The following CNTRL variants were observed in gnomAD, a reference collection of about 807,000 sequenced individuals.
CNTRL encodes centriolin.
In CNTRL, 233 loss-of-function variants were observed where a neutral mutation model predicts 303.7. The observed-to-expected ratio is 0.77, with a 90% CI of 0.69 to 0.86. The LOEUF (loss-of-function observed/expected upper bound fraction) is 0.86. Among genes scored for constraint, CNTRL ranks in the 40% least tolerant of loss-of-function variants. The pLI, the probability that CNTRL is intolerant of heterozygous loss-of-function variation, is 0.00. For missense variants in CNTRL, 2,524 were observed against 2,650.6 expected, an observed-to-expected ratio of 0.95 and a Z score of 1.05; for synonymous variants, 900 against 922.2, an observed-to-expected ratio of 0.98 and a Z score of 0.44.
intron 32 of CNTRL, 105 bp from the exon 33 acceptor site, chr9:121,161,751 T>A: frequency 2.6e-6 from 2 of 775,748 alleles, no homozygotes; most frequent in Non-Finnish European, 4.1e-6. Flanking sequence ...ACAAAATTTT[T>A]AAAATTGTCT....
rs377568552 is a variant in CNTRL at position 121,154,887 on chromosome 9, A to T, written c.4339A>T (p.Ser1447Cys). Residue 1447 changes from serine (S) to cysteine (C), a missense_variant, in exon 27 of 44, where the codon AGT becomes TGT. Ser to Cys is a moderately radical substitution (Grantham distance 112). Transcript: ENST00000373855. ...EADRLLAEAE[S>C]ELSCTKEKTK... ...TGACCGACTCCTGGCAGAGGCTGAG[A>T]GTGAACTTTCATGCACTAAAGAAAA... 16 of 1,614,064 alleles carry T rather than the reference A, an allele frequency of 9.9e-6. No individual in the cohort carries two copies. Among genetic ancestry groups the T allele is most frequent in the Admixed American group, 1.7e-5 (1 of 60,000 alleles).
Position 121,154,707 on chromosome 9 carries a change from A to T in CNTRL, c.4173-14A>T. On this transcript the variant is annotated splice_polypyrimidine_tract_variant and intron_variant, in intron 26 of 43. Transcript: ENST00000373855. Reference sequence around the variant, plus strand: ...ATTTAACATTTTTTAATGGGTGTATATATTATTTTTTAGGGACTTCATTGA... The same window carrying T: ...ATTTAACATTTTTTAATGGGTGTATTTATTATTTTTTAGGGACTTCATTGA... 6.7e-7 allele frequency: 1 copy of T among 1,503,582 alleles called. No individual in the cohort carries two copies. Among genetic ancestry groups the T allele is most frequent in the Middle Eastern group, 2.1e-4 (1 of 4,742 alleles). The allele number at this position is 1,503,582 out of a possible 1,614,324, so 93.1% of individuals were successfully genotyped here. A position where few individuals can be genotyped will look rare whatever the true frequency, so the allele number is the denominator to read the frequency against.
At chr9:121,173,210 T>C in intron 40 of CNTRL, 33 bp from the exon 41 acceptor site, 2 of 1,571,994 alleles carry the variant, frequency 1.3e-6, no homozygotes, top group South Asian at 2.4e-5. Context: ...TGAAATTTTA[T>C]ACAATGATAT....
intron 7 of CNTRL, among the ~76,000 whole-genome samples, chr9:121,107,126 G>A (rs1203527628): frequency 6.6e-6 from 1 of 152,090 alleles, no homozygotes; most frequent in Non-Finnish European, 1.5e-5. Flanking sequence ...CATCTAACCT[G>A]GTGACAGGAT....
rs376245394 is a variant in CNTRL, at chr9:121,157,621, G to A, written c.4496+21G>A. 229 of 1,611,462 alleles carry A rather than the reference G, an allele frequency of 1.4e-4. No homozygotes were observed. The Middle Eastern group carries it at 1.6e-3, about 12-fold the overall frequency. The stretch of plus-strand genomic sequence containing the variant: ...CTAAGGTAGGTGGATTCCCTAAGCC[G>A]TTGATGTATACATTGAGATGAATGA... On this transcript the variant is annotated intron_variant, in intron 28 of 43. Coordinates refer to ENST00000373855, the MANE Select transcript of CNTRL (RefSeq NM_007018.6).
intron 4 of CNTRL, among the ~76,000 whole-genome samples, chr9:121,094,275 G>C (rs1242794764): frequency 6.6e-6 from 1 of 152,186 alleles, no homozygotes; most frequent in Non-Finnish European, 1.5e-5. Context: ...TCAAGATTGA[G>C]GTGCTGCATC....
intron 2 of CNTRL, among the ~76,000 whole-genome samples, chr9:121,087,162 TTGAC>T (rs1201268744): frequency 6.6e-6 from 1 of 152,130 alleles, no homozygotes; most frequent in Non-Finnish European, 1.5e-5. Flanking sequence ...GATTTAGCGA[TTGAC>T]TGAGTATGGG....
Position 121,141,355 on chromosome 9 carries a change from A to AT in CNTRL, c.2484-25dup, listed in dbSNP as rs752561567. On this transcript the variant is annotated intron_variant, in intron 17 of 43. Transcript: ENST00000373855. ...GCATCAAAAATTAAATGTCACATTTATACCATTTTTCCCCCTCCTTACTAG... is the reference window on the plus strand; with the variant it reads ...GCATCAAAAATTAAATGTCACATTTATTACCATTTTTCCCCCTCCTTACTAG... 4.5e-6 allele frequency: 7 copies of AT among 1,545,862 alleles called. No individual in the cohort carries two copies. In the Admixed American group the frequency reaches 1.2e-4, roughly 26 times the overall value.
chr9:121,098,321 C>A, intron 6 of CNTRL, 65 bp from the exon 7 acceptor site: 1 of 1,227,258 alleles, frequency 8.1e-7, no homozygotes, highest in East Asian at 2.5e-5. Context: ...TGATTTGTAA[C>A]TTCCTTTAAG....
chr9:121,112,390 C>T, intron 8 of CNTRL, 69 bp from the exon 9 acceptor site: 1 of 1,430,140 alleles, frequency 7.0e-7, no homozygotes, highest in East Asian at 2.3e-5. Context: ...TGAGAACTTA[C>T]CATATCATCA....
Position 121,145,991 on chromosome 9 carries a change from GA to G in CNTRL, c.3311-114del, listed in dbSNP as rs540795299. On this transcript the variant is annotated intron_variant, in intron 22 of 43. Coordinates refer to ENST00000373855, the MANE Select transcript of CNTRL (RefSeq NM_007018.6). ...TTTTTGACTTACCAAAGGGCAGACT[GA>G]AAGTCAGCTTTGAGGAACTGATAAA... 3.4e-3 allele frequency: 3,029 copies of G among 897,996 alleles called. 12 individuals are homozygous for G. Among genetic ancestry groups the G allele is most frequent in the Non-Finnish European group, 4.5e-3 (2,781 of 613,456 alleles). 55.6% of individuals were successfully genotyped at this position (897,996 alleles called of 1,614,324 possible).
At chr9:121,111,144 A>T (rs1032446551) in intron 8 of CNTRL, 1 of 152,130 alleles carries the variant, frequency 6.6e-6, no homozygotes, top group Non-Finnish European at 1.5e-5. Context: ...TGAAAATATC[A>T]ATGTGGGTAA....
Position 121,140,792 on chromosome 9 carries a change from GA to G in CNTRL, c.2483+11del. On this transcript the variant is annotated splice_region_variant and intron_variant, in intron 17 of 43. Coordinates refer to ENST00000373855, the MANE Select transcript of CNTRL (RefSeq NM_007018.6). ...TTAGGAACTGGGGAAATGAAGTAAG[GA>G]AAAAGCAAGACCTCCAAGTCTAGAG... The G allele has an allele frequency of 6.2e-7, 1 of 1,608,894 alleles. No homozygotes were observed. Among genetic ancestry groups the G allele is most frequent in the African/African-American group, 1.3e-5 (1 of 74,822 alleles).
chr9:121,097,366 GA>G (rs1399764305), intron 6 of CNTRL, among the ~76,000 whole-genome samples: 1 of 152,020 alleles, frequency 6.6e-6, no homozygotes, highest in Admixed American at 6.6e-5. Context: ...ACTGTTTGGG[GA>G]AAACAATCCC....
Position 121,158,088 on chromosome 9 carries a change from G to T in CNTRL, c.4743G>T (p.Glu1581Asp). ...SEVLLQAKRA[E>D]LEKLKSQVTS... is the part of the protein sequence containing the mutation. The stretch of plus-strand genomic sequence containing the variant: ...TGCTTCTTCAGGCCAAAAGAGCCGA[G>T]CTGGAAAAGCTGAAAAGCCAGGTAT... Residue 1581 changes from glutamate (E) to aspartate (D), a missense_variant, in exon 30 of 44, where the codon GAG becomes GAT. Transcript: ENST00000373855. 6.2e-7 allele frequency: 1 copy of T among 1,614,110 alleles called. No individual in the cohort carries two copies. The highest frequency in any genetic ancestry group is 8.5e-7 in the Non-Finnish European group (1 of 1,180,020).
At chr9:121,085,899 T>G (rs2048324177) in intron 2 of CNTRL, among the ~76,000 whole-genome samples, 1 of 152,178 alleles carries the variant, frequency 6.6e-6, no homozygotes, top group Non-Finnish European at 1.5e-5. Context: ...TGCCAAAATG[T>G]TTAGACTCAT....
At chr9:121,086,024 A>G (rs777101849) in intron 2 of CNTRL, among the ~76,000 whole-genome samples, 1 of 152,238 alleles carries the variant, frequency 6.6e-6, no homozygotes, top group Non-Finnish European at 1.5e-5. Flanking sequence ...GAGTATCTTA[A>G]TAGTCTAAGC....
chr9:121,173,246 G>A lies in CNTRL; in HGVS notation c.6421G>A (p.Ala2141Thr), dbSNP rs772516810. 5.0e-5 allele frequency: 81 copies of A among 1,605,668 alleles called. No individual in the cohort carries two copies. Among genetic ancestry groups the A allele is most frequent in the Non-Finnish European group, 6.7e-5 (79 of 1,175,524 alleles). ...YEYTELKKQM[A>T]NQKDLERRQM... is the part of the protein sequence containing the mutation. ...TTGACACCAACTCACTGTTTAGATG[G>A]CAAACCAAAAAGATTTGGAGAGAAG... is the stretch of plus-strand genomic sequence containing the variant. The change falls in exon 41 of 44, where the codon GCA (alanine) becomes ACA (threonine). Residue 2141 changes from alanine to threonine, a missense_variant. Transcript: ENST00000373855.
rs755914420 is a variant in CNTRL at position 121,088,475 on chromosome 9, GA to G, written c.150del (p.Gln51SerfsTer49). 6.2e-7 allele frequency: 1 copy of G among 1,613,344 alleles called. No homozygotes were observed. The highest frequency in any genetic ancestry group is 1.1e-5 in the South Asian group (1 of 91,046). On this transcript the variant is annotated frameshift_variant, in exon 3 of 44. Transcript: ENST00000373855. LOFTEE classifies it high-confidence loss of function. The stretch of plus-strand genomic sequence containing the variant: ...GAGACTCTACCTTTTCATTCTGGAG[GA>G]CAGTGGTGTGAGCAAGTTGAGATTG... ...GSETLPFHSG[G>X]QWCEQVEIAD...
Sources: gnomAD v4.1 joint callset for allele counts (sites outside exome capture counted in the v4.1 genomes callset) on GRCh38, gnomAD v4.1.1 for gene constraint, MANE v1.5 for transcripts, NCBI Gene and HGNC (gene_info 2026-07-23, HGNC 2026-07-21) for gene names.